Variants in SPAG17 observed in about 807,000 individuals in gnomAD.
SPAG17 encodes the protein sperm associated antigen 17.
Under a neutral mutation model 273.6 loss-of-function variants are expected in SPAG17, and 169 were observed. The ratio of observed to expected loss-of-function variants is 0.62; its 90% confidence interval spans 0.55 to 0.70. The LOEUF (loss-of-function observed/expected upper bound fraction) is 0.70, where lower values mean the gene tolerates loss of function less well. SPAG17 is among the 30% of genes least tolerant of loss of function. SPAG17 has a pLI of 0.00. For synonymous variants in SPAG17, 825 were observed against 873.2 expected (o/e 0.94, Z 0.97); for missense variants, 2,557 against 2,627.8 (o/e 0.97, Z 0.59).
At position 118,008,247 on chromosome 1, in the gene SPAG17, A is replaced by G. The variant is rs755860415; in HGVS notation, c.4433-49T>C. 2.5e-6 allele frequency: 4 copies of G among 1,596,994 alleles called. No individual in the cohort carries two copies. The African/African-American group carries it at 5.4e-5, about 21-fold the overall frequency. On this transcript the variant is annotated intron_variant, in intron 30 of 48. Transcript: ENST00000336338. ...AGATCTGATAGGATGTAGACATTGC[A>G]AAACAGACCTCAGCCTATTGATTTT... is the stretch of plus-strand genomic sequence containing the variant.
chr1:117,991,584 T>A, intron 36 of SPAG17, 56 bp from the exon 37 acceptor site: 2 of 1,091,006 alleles, frequency 1.8e-6, no homozygotes, highest in South Asian at 2.9e-5. Context: ...AAGAGAGAGA[T>A]ACAAAAATGG....
intron 1 of SPAG17, among the ~76,000 whole-genome samples, chr1:118,164,236 T>C (rs6672871): frequency 4.6e-5 from 7 of 152,352 alleles, no homozygotes; most frequent in African/African-American, 1.7e-4. Context: ...ATAGTCCGTA[T>C]TTTTGACTTC....
At chr1:118,015,904 G>C in intron 29 of SPAG17, 61 bp downstream of exon 29, 1 of 1,419,094 alleles carries the variant, frequency 7.0e-7, no homozygotes, top group Admixed American at 1.7e-5. Context: ...CACTCTTTTG[G>C]GTGTTGTTTC....
chr1:118,049,181 A>T (rs1226127147), intron 20 of SPAG17, among the ~76,000 whole-genome samples: 1 of 152,210 alleles, frequency 6.6e-6, no homozygotes, highest in Non-Finnish European at 1.5e-5. Context: ...TCACCCTATG[A>T]AAAAAATTGA....
intron 3 of SPAG17, among the ~76,000 whole-genome samples, chr1:118,135,626 A>G (rs947339192): frequency 9.2e-5 from 14 of 152,082 alleles, no homozygotes; most frequent in African/African-American, 3.4e-4. Context: ...GTTGTATTTG[A>G]CAAGTTTGTG....
At chr1:118,153,644 C>A (rs532512393) in intron 1 of SPAG17, among the ~76,000 whole-genome samples, 1 of 152,058 alleles carries the variant, frequency 6.6e-6, no homozygotes, top group Admixed American at 6.5e-5. Flanking sequence ...GTCAGGAGAT[C>A]GAGACCATTC....
chr1:117,959,498 C>A, intron 48 of SPAG17: 1 of 1,505,846 alleles, frequency 6.6e-7, no homozygotes, highest in Admixed American at 2.4e-5. Flanking sequence ...TTAAAGGACT[C>A]CTAAACTAAG....
chr1:117,994,181 A>C (rs1657408877), intron 35 of SPAG17, among the ~76,000 whole-genome samples: 2 of 152,182 alleles, frequency 1.3e-5, no homozygotes, highest in Admixed American at 6.6e-5. Flanking sequence ...AATACAGGAT[A>C]AAAGAAATAA....
rs374045953 is a variant in SPAG17, at chr1:118,097,641, C to G, written c.1011+29G>C. 34 of 1,519,602 alleles carry G rather than the reference C, an allele frequency of 2.2e-5. No homozygotes were observed. The African/African-American group carries it at 4.1e-4, about 18-fold the overall frequency. 94.1% of individuals were successfully genotyped at this position (1,519,602 alleles called of 1,614,324 possible). Reference sequence around the variant, plus strand: ...GAACCACTGTGTCACATGTTAAAACCATGCACTCTCAGTAATGTGTGTACT... The same window carrying G: ...GAACCACTGTGTCACATGTTAAAACGATGCACTCTCAGTAATGTGTGTACT... On this transcript the variant is annotated intron_variant, in intron 7 of 48. Coordinates refer to ENST00000336338, the MANE Select transcript of SPAG17 (RefSeq NM_206996.4).
At chr1:118,017,179 T>C (rs1660057479) in intron 28 of SPAG17, among the ~76,000 whole-genome samples, 1 of 152,180 alleles carries the variant, frequency 6.6e-6, no homozygotes, top group Admixed American at 6.5e-5. Flanking sequence ...AGAATATTAG[T>C]AGAGAGTGAA....
intron 48 of SPAG17, chr1:117,957,155 T>C (rs1557829581): frequency 1.2e-6 from 2 of 1,612,800 alleles, no homozygotes; most frequent in Admixed American, 1.7e-5. Context: ...AGCTGGGCTC[T>C]GATGTTGAAC....
chr1:118,014,531 T>C (rs1001743777), intron 29 of SPAG17, among the ~76,000 whole-genome samples: 1 of 152,190 alleles, frequency 6.6e-6, no homozygotes, highest in African/African-American at 2.4e-5. Context: ...TCTGAGATCA[T>C]ATGTACTTTG....
chr1:118,180,965 T>C (rs2102410659), intron 1 of SPAG17, among the ~76,000 whole-genome samples: 1 of 152,162 alleles, frequency 6.6e-6, no homozygotes, highest in Non-Finnish European at 1.5e-5. Context: ...AATGGGTACA[T>C]AGTATATAAA....
rs548411746 is a variant in SPAG17, at chr1:118,161,926, G to A, written c.88-10557C>T. ...TAAAGCCAGGGGAGGAATGGTGTATGTAGTCAAAGGCAATTAGAAGGTCAC... is the reference window on the plus strand; with the variant it reads ...TAAAGCCAGGGGAGGAATGGTGTATATAGTCAAAGGCAATTAGAAGGTCAC... On this transcript the variant is annotated intron_variant, in intron 1 of 48. Transcript: ENST00000336338. Among the ~76,000 whole-genome samples the A allele has an allele frequency of 1.1e-4, 17 of 152,328 alleles. No individual in the cohort carries two copies. The Middle Eastern group carries it at 0.017, about 152-fold the overall frequency.
Position 118,181,136 on chromosome 1 carries a change from T to C in SPAG17, c.87+3935A>G, listed in dbSNP as rs529408931. On this transcript the variant is annotated intron_variant, in intron 1 of 48. Coordinates refer to ENST00000336338, the MANE Select transcript of SPAG17 (RefSeq NM_206996.4). ...CCACAAAGAAAATATCTATAGAATA[T>C]ACACAGAAGAAAATGAAAAGGCATT... is the stretch of plus-strand genomic sequence containing the variant. Among the ~76,000 whole-genome samples the C allele has an allele frequency of 3.0e-3, 455 of 151,870 alleles. 3 individuals carry two copies. The highest frequency in any genetic ancestry group is 0.01 in the African/African-American group (434 of 41,444).
chr1:118,091,956 T>C lies in SPAG17; in HGVS notation c.1220A>G (p.Tyr407Cys). ...VPAPGKKKAQ[Y>C]EEPQAPPPVT... ...TGGTGGTGGAGCTTGCGGTTCTTCATACTGTGCTTTCTTCTTTCCAGGAGC... is the reference window on the plus strand; with the variant it reads ...TGGTGGTGGAGCTTGCGGTTCTTCACACTGTGCTTTCTTCTTTCCAGGAGC... Residue 407 changes from tyrosine to cysteine, a missense_variant, in exon 9 of 49, where the codon TAT becomes TGT. Physicochemically the swap from Tyr to Cys is radical, Grantham distance 194. Transcript: ENST00000336338. 1 of 1,613,692 alleles carries C rather than the reference T, an allele frequency of 6.2e-7. No individual in the cohort carries two copies. Among genetic ancestry groups the C allele is most frequent in the Non-Finnish European group, 8.5e-7 (1 of 1,179,656 alleles).
intron 38 of SPAG17, 43 bp downstream of exon 38, chr1:117,990,818 A>T: frequency 7.4e-7 from 1 of 1,354,638 alleles, no homozygotes; most frequent in Non-Finnish European, 1.0e-6. Context: ...GATTCCTTTG[A>T]AACTTGTAAA....
intron 3 of SPAG17, among the ~76,000 whole-genome samples, chr1:118,134,966 TA>T (rs1245704072): frequency 9.9e-5 from 15 of 152,256 alleles, no homozygotes; most frequent in African/African-American, 3.6e-4. Flanking sequence ...TTGCACCTTT[TA>T]AAATGTGATA....
intron 32 of SPAG17, 82 bp from the exon 33 acceptor site, chr1:117,996,825 G>A: frequency 7.1e-7 from 1 of 1,409,576 alleles, no homozygotes; most frequent in Non-Finnish European, 9.5e-7. Context: ...TGAGAAAACA[G>A]ATGATTTGGT....
Sources: allele counts gnomAD v4.1 joint callset (sites outside exome capture counted in the v4.1 genomes callset), GRCh38; gene constraint gnomAD v4.1.1; transcripts MANE v1.5; gene names NCBI Gene and HGNC (gene_info 2026-07-23, HGNC 2026-07-21).